The following MTMR3 variants were observed in gnomAD, a reference collection of about 807,000 sequenced individuals.
MTMR3 encodes the protein phosphatidylinositol-3,5-bisphosphate 3-phosphatase MTMR3.
In MTMR3, 32 loss-of-function variants were observed where a neutral mutation model predicts 132.4. The observed-to-expected ratio is 0.24, with a 90% CI of 0.18 to 0.32. The LOEUF (loss-of-function observed/expected upper bound fraction) is 0.32. MTMR3 is among the 10% of genes least tolerant of loss of function. The probability of loss-of-function intolerance (pLI) is 1.00; values close to 1 mark genes in which losing one functional copy is unlikely to be tolerated. For missense variants in MTMR3, 1,216 were observed against 1,489.6 expected (o/e 0.82, Z 3.02); for synonymous variants, 556 against 550.3 (o/e 1.01, Z -0.14).
chr22:29,994,657 TA>T (rs1310762498), intron 7 of MTMR3: 1 of 152,226 alleles, frequency 6.6e-6, no homozygotes, highest in African/African-American at 2.4e-5. Flanking sequence ...TTATAGCAGT[TA>T]ATAAAGCCTT....
chr22:29,890,471 T>C (rs1410861435), intron 1 of MTMR3, among the ~76,000 whole-genome samples: 1 of 151,952 alleles, frequency 6.6e-6, no homozygotes, highest in African/African-American at 2.4e-5. Flanking sequence ...TGAGCCGAGA[T>C]TAAGCTGCTG....
rs573499624 is a variant in MTMR3 at position 29,893,164 on chromosome 22, A to T, written c.-138+9805A>T. Among the ~76,000 whole-genome samples, 30 of 152,352 alleles carry T rather than the reference A, an allele frequency of 2.0e-4. No individual in the cohort carries two copies. The East Asian group carries it at 4.8e-3, about 24-fold the overall frequency. On this transcript the variant is annotated intron_variant, in intron 1 of 19. Transcript: ENST00000401950. ...ACATGTAAATAAGTTATAGCATTGT[A>T]AAACCAACAGGTATATTTTCCGTAG...
intron 15 of MTMR3, 95 bp downstream of exon 15, chr22:30,016,793 A>C: frequency 7.3e-7 from 1 of 1,364,406 alleles, no homozygotes; most frequent in Non-Finnish European, 1.0e-6. Context: ...GTTTTTGTGA[A>C]GACATCTCTA....
intron 1 of MTMR3, among the ~76,000 whole-genome samples, chr22:29,945,712 G>GAAAAAAAAAAAAAAAAAAAAAAAA (rs1238843477): frequency 3.8e-5 from 3 of 78,108 alleles, no homozygotes; most frequent in African/African-American, 1.3e-4. Flanking sequence ...TCTTTAAAAT[G>GAAAAAAAAAAAAAAAAAAAAAAAA]AAAAAGAAAA....
chr22:29,992,201 C>G (rs1288100132), intron 7 of MTMR3: 1 of 152,480 alleles, frequency 6.6e-6, no homozygotes, highest in Non-Finnish European at 1.5e-5. Flanking sequence ...CTGCCTCAGC[C>G]TCCTGTGTAG....
At chr22:30,017,394 A>G (rs2067622504) in intron 15 of MTMR3, 1 of 156,538 alleles carries the variant, frequency 6.4e-6, no homozygotes, top group South Asian at 1.9e-4. Context: ...CATTTAAGTA[A>G]TCACAGAAAA....
At chr22:29,908,712 GTGAC>G (rs1359793826) in intron 1 of MTMR3, among the ~76,000 whole-genome samples, 4 of 152,296 alleles carry the variant, frequency 2.6e-5, no homozygotes, top group Non-Finnish European at 4.4e-5. Context: ...ATAAGACTAA[GTGAC>G]TGTGTATACC....
chr22:29,943,520 G>C (rs908466649), intron 1 of MTMR3, among the ~76,000 whole-genome samples: 1 of 151,978 alleles, frequency 6.6e-6, no homozygotes. Flanking sequence ...GTCTACGTTT[G>C]CCACTCTTTT....
chr22:29,904,066 T>C (rs1237604331), intron 1 of MTMR3, among the ~76,000 whole-genome samples: 2 of 152,198 alleles, frequency 1.3e-5, no homozygotes, highest in Non-Finnish European at 1.5e-5. Context: ...TGTGGCTCTA[T>C]GATGTGGACA....
chr22:29,976,338 G>A (rs536244266), intron 3 of MTMR3, among the ~76,000 whole-genome samples: 141 of 151,900 alleles, frequency 9.3e-4, no homozygotes, highest in Middle Eastern at 3.4e-3. Context: ...CCTGCCAAAT[G>A]TCCAAGTCTG....
intron 5 of MTMR3, chr22:29,985,841 C>T (rs2066846528): frequency 6.6e-6 from 1 of 151,958 alleles, no homozygotes; most frequent in African/African-American, 2.4e-5. Context: ...TATATATTGC[C>T]TGAATTTTAG....
At chr22:29,938,191 G>A (rs996330458) in intron 1 of MTMR3, among the ~76,000 whole-genome samples, 12 of 152,198 alleles carry the variant, frequency 7.9e-5, no homozygotes, top group Admixed American at 3.9e-4. Context: ...GAAATGGGTG[G>A]CACTACAGTT....
intron 1 of MTMR3, among the ~76,000 whole-genome samples, chr22:29,914,760 C>G (rs1406640201): frequency 6.6e-6 from 1 of 152,100 alleles, no homozygotes; most frequent in Non-Finnish European, 1.5e-5. Flanking sequence ...CAAATTAATA[C>G]TGAGAGAAGT....
At chr22:29,932,275 T>C (rs2065661634) in intron 1 of MTMR3, among the ~76,000 whole-genome samples, 1 of 152,174 alleles carries the variant, frequency 6.6e-6, no homozygotes, top group African/African-American at 2.4e-5. Flanking sequence ...TACAGAACAT[T>C]TATAGCTCTC....
intron 1 of MTMR3, among the ~76,000 whole-genome samples, chr22:29,932,419 C>CT (rs1258206513): frequency 6.6e-6 from 1 of 151,890 alleles, no homozygotes; most frequent in Non-Finnish European, 1.5e-5. Flanking sequence ...CAAAATGTTC[C>CT]TTTTTTTGGT....
At chr22:30,006,636 C>G (rs1191106286) in intron 9 of MTMR3, 3 of 157,684 alleles carry the variant, frequency 1.9e-5, no homozygotes, top group African/African-American at 7.2e-5. Context: ...TAGCTTTCTG[C>G]AACTTCAGCC....
At chr22:30,005,956 A>G (rs1411671008) in intron 9 of MTMR3, 5 of 152,220 alleles carry the variant, frequency 3.3e-5, no homozygotes, top group African/African-American at 4.8e-5. Flanking sequence ...CGAGTTTATA[A>G]TAGTCACTAC....
chr22:29,959,895 A>T (rs2145849462), intron 2 of MTMR3, among the ~76,000 whole-genome samples: 1 of 151,148 alleles, frequency 6.6e-6, no homozygotes, highest in Non-Finnish European at 1.5e-5. Flanking sequence ...AGTAGGTGGG[A>T]CTATGGGCAT....
intron 16 of MTMR3, chr22:30,018,671 G>A (rs1678929997): frequency 6.6e-6 from 1 of 152,156 alleles, no homozygotes; most frequent in African/African-American, 2.4e-5. Context: ...GAGCCTGGAA[G>A]GTGGAGGTTG....
Sources: allele counts gnomAD v4.1 joint callset (sites outside exome capture counted in the v4.1 genomes callset), GRCh38; gene constraint gnomAD v4.1.1; transcripts MANE v1.5; gene names NCBI Gene and HGNC (gene_info 2026-07-23, HGNC 2026-07-21).